PIEZO2: variants seen among roughly 807,000 people sequenced by gnomAD.
The protein encoded by PIEZO2 is piezo-type mechanosensitive ion channel component 2.
In PIEZO2, 172 loss-of-function variants were observed where a neutral mutation model predicts 337.3. The ratio of observed to expected loss-of-function variants is 0.51; its 90% confidence interval spans 0.45 to 0.58. The LOEUF is 0.58. Among genes scored for constraint, PIEZO2 ranks in the 20% least tolerant of loss-of-function variants. The pLI, the probability that PIEZO2 is intolerant of heterozygous loss-of-function variation, is 0.00. For missense variants in PIEZO2, 3,028 were observed against 3,391.3 expected (o/e 0.89, Z 2.66); for synonymous variants, 1,251 against 1,228.5 (o/e 1.02, Z -0.38).
rs1429641237 is a variant in PIEZO2 at position 10,716,734 on chromosome 18, G to C, written c.5090-918C>G. Among the ~76,000 whole-genome samples the C allele has an allele frequency of 6.6e-6, 1 of 152,212 alleles. No individual in the cohort carries two copies. The highest frequency in any genetic ancestry group is 1.9e-4 in the East Asian group (1 of 5,198). Reference sequence around the variant, plus strand: ...TTCAGATAGAGCCTCTAGCTGCTCTGTGTAGACATAAAGGGGAAGCTTGGC... The same window carrying C: ...TTCAGATAGAGCCTCTAGCTGCTCTCTGTAGACATAAAGGGGAAGCTTGGC... On this transcript the variant is annotated intron_variant, in intron 37 of 55. Coordinates refer to ENST00000674853, the MANE Select transcript of PIEZO2 (RefSeq NM_001378183.1). This position sits in a 1 kb window ranked among gnomAD's most constrained non-coding sequence, Gnocchi z 4.1.
At chr18:10,811,895 G>A (rs928994283) in intron 7 of PIEZO2, among the ~76,000 whole-genome samples, 4 of 152,126 alleles carry the variant, frequency 2.6e-5, no homozygotes, top group Admixed American at 6.5e-5. Flanking sequence ...GTGCAGTGGT[G>A]CGATCTCCGC....
In PIEZO2 at chr18:10,750,225, C is replaced by A. The variant is rs910709710; in HGVS notation, c.4168-38G>T. Reference sequence around the variant, plus strand: ...AGAGGGGGATAATCCTGAAGCTCTGCAGCCAGAAAAAAAAGTGGTGTTTTA... The same window carrying A: ...AGAGGGGGATAATCCTGAAGCTCTGAAGCCAGAAAAAAAAGTGGTGTTTTA... On this transcript the variant is annotated intron_variant, in intron 28 of 55. Coordinates refer to ENST00000674853, the MANE Select transcript of PIEZO2 (RefSeq NM_001378183.1). The surrounding 1 kb of genome is among the most constrained non-coding windows in gnomAD (Gnocchi z 4.1). The A allele has an allele frequency of 2.8e-6, 4 of 1,446,496 alleles. No homozygotes were observed. The highest frequency in any genetic ancestry group is 2.0e-5 in the Admixed American group (1 of 50,182). 89.6% of individuals were successfully genotyped at this position (1,446,496 alleles called of 1,614,324 possible).
intron 2 of PIEZO2, among the ~76,000 whole-genome samples, chr18:11,011,252 G>A (rs1220423681): frequency 6.6e-6 from 1 of 152,060 alleles, no homozygotes; most frequent in African/African-American, 2.4e-5. Flanking sequence ...TTTAATCTGT[G>A]TCCTACAATT....
rs563773713 is a variant in PIEZO2 at position 10,903,982 on chromosome 18, C to T, written c.329+7204G>A. Among the ~76,000 whole-genome samples, 211 of 152,274 alleles carry T rather than the reference C, an allele frequency of 1.4e-3. No homozygotes were observed. Among genetic ancestry groups the T allele is most frequent in the Non-Finnish European group, 2.5e-3 (173 of 68,026 alleles). On this transcript the variant is annotated intron_variant, in intron 4 of 55. Coordinates refer to ENST00000674853, the MANE Select transcript of PIEZO2 (RefSeq NM_001378183.1). This position sits in a 1 kb window ranked among gnomAD's most constrained non-coding sequence, Gnocchi z 4.1. ...GATATCATTAGAATAGCACCTGGTA[C>T]ACAGCAGCAGCAGCTGCTCCAAAAA...
intron 7 of PIEZO2, among the ~76,000 whole-genome samples, chr18:10,841,916 C>G (rs953141819): frequency 1.3e-5 from 2 of 152,110 alleles, no homozygotes; most frequent in Admixed American, 1.3e-4. Context: ...GTAAGCTGAG[C>G]ACTTTGGGAG....
rs1480593790 is a variant in PIEZO2 at position 11,003,730 on chromosome 18, T to C, written c.161-24070A>G. Among the ~76,000 whole-genome samples, 1 of 152,062 alleles carries C rather than the reference T, an allele frequency of 6.6e-6. No individual in the cohort carries two copies. The highest frequency in any genetic ancestry group is 1.5e-5 in the Non-Finnish European group (1 of 68,006). On this transcript the variant is annotated intron_variant, in intron 2 of 55. Coordinates refer to ENST00000674853, the MANE Select transcript of PIEZO2 (RefSeq NM_001378183.1). The surrounding 1 kb of genome is among the most constrained non-coding windows in gnomAD (Gnocchi z 4.6). ...TGTGGACACACCAATTTACCTAACA[T>C]GTCCAGCTCTGGGACGTGGGAGGAA...
chr18:10,940,114 C>A lies in PIEZO2; in HGVS notation c.287-28886G>T, dbSNP rs1290439753. Among the ~76,000 whole-genome samples the A allele has an allele frequency of 6.6e-6, 1 of 152,038 alleles. No individual in the cohort carries two copies. The highest frequency in any genetic ancestry group is 6.6e-5 in the Admixed American group (1 of 15,266). On this transcript the variant is annotated intron_variant, in intron 3 of 55. Transcript: ENST00000674853. The surrounding 1 kb of genome is among the most constrained non-coding windows in gnomAD (Gnocchi z 5.3). Reference sequence around the variant, plus strand: ...CCAGGGAGTGGTTCGCCAGCCTTTCCTACAAAAAAACACACTTCAGAGGAG... The same window carrying A: ...CCAGGGAGTGGTTCGCCAGCCTTTCATACAAAAAAACACACTTCAGAGGAG...
intron 26 of PIEZO2, 79 bp from the exon 27 acceptor site, chr18:10,758,213 G>T: frequency 7.1e-7 from 1 of 1,404,840 alleles, no homozygotes; most frequent in Non-Finnish European, 9.5e-7. Flanking sequence ...TCATCACACA[G>T]CAACAGCCAT....
Position 11,027,435 on chromosome 18 carries a change from A to T in PIEZO2, c.160+38692T>A, listed in dbSNP as rs2036578264. ...GCTAGGAATAAGGTACAAGAGGTTAAAAAGAAAGCAATCAAATTGACAATG... is the reference window on the plus strand; with the variant it reads ...GCTAGGAATAAGGTACAAGAGGTTATAAAGAAAGCAATCAAATTGACAATG... On this transcript the variant is annotated intron_variant, in intron 2 of 55. Transcript: ENST00000674853. The surrounding 1 kb of genome is among the most constrained non-coding windows in gnomAD (Gnocchi z 4.2). Among the ~76,000 whole-genome samples the T allele has an allele frequency of 6.6e-6, 1 of 152,222 alleles. No individual in the cohort carries two copies. Among genetic ancestry groups the T allele is most frequent in the African/African-American group, 2.4e-5 (1 of 41,456 alleles).
chr18:10,877,726 C>G lies in PIEZO2; in HGVS notation c.330-6311G>C, dbSNP rs2042306164. ...CATCTCAGGTTGTCCCCTCTGCCAGCCAGGCCTCCACATTAATATCAGAGT... is the reference window on the plus strand; with the variant it reads ...CATCTCAGGTTGTCCCCTCTGCCAGGCAGGCCTCCACATTAATATCAGAGT... On this transcript the variant is annotated intron_variant, in intron 4 of 55. Transcript: ENST00000674853. This position sits in a 1 kb window ranked among gnomAD's most constrained non-coding sequence, Gnocchi z 5.3. 6.6e-6 allele frequency among the ~76,000 whole-genome samples: 1 copy of G among 152,152 alleles called. No individual in the cohort carries two copies. Among genetic ancestry groups the G allele is most frequent in the African/African-American group, 2.4e-5 (1 of 41,418 alleles).
intron 39 of PIEZO2, among the ~76,000 whole-genome samples, chr18:10,711,374 T>A (rs1387988175): frequency 1.3e-5 from 2 of 152,220 alleles, no homozygotes. Context: ...TTCTAGAGCA[T>A]CTTTTTTCAA....
intron 33 of PIEZO2, 51 bp from the exon 34 acceptor site, chr18:10,736,761 TG>T (rs1568001418): frequency 1.1e-5 from 16 of 1,513,322 alleles, no homozygotes; most frequent in Non-Finnish European, 1.3e-5. Flanking sequence ...ATAAGGAAAT[TG>T]GGGGCTTATT....
chr18:10,998,099 G>T (rs2035394118), intron 2 of PIEZO2, among the ~76,000 whole-genome samples: 1 of 152,044 alleles, frequency 6.6e-6, no homozygotes, highest in African/African-American at 2.4e-5. Flanking sequence ...GCATACAGTG[G>T]AACAATATCT....
intron 8 of PIEZO2, among the ~76,000 whole-genome samples, chr18:10,806,126 C>T (rs140050361): frequency 5.0e-4 from 76 of 152,222 alleles, no homozygotes; most frequent in African/African-American, 1.7e-3. Flanking sequence ...TCTGTGGGTA[C>T]AAAGACAGAC....
Position 10,718,397 on chromosome 18 carries a change from G to A in PIEZO2, c.5030-138C>T. ...TTCAAGAGTTCCTTGGGGAAAGGTT[G>A]TTAGAATTCATAGCTCTTAGATTAT... is the stretch of plus-strand genomic sequence containing the variant. On this transcript the variant is annotated intron_variant, in intron 36 of 55. Transcript: ENST00000674853. The A allele has an allele frequency of 5.6e-6, 4 of 716,394 alleles. No homozygotes were observed. In the South Asian group the frequency reaches 7.2e-5, roughly 13 times the overall value. 44.4% of individuals were successfully genotyped at this position (716,394 alleles called of 1,614,324 possible). A position where few individuals can be genotyped will look rare whatever the true frequency, so the allele number is the denominator to read the frequency against.
At chr18:11,103,515 T>G (rs2039476425) in intron 1 of PIEZO2, among the ~76,000 whole-genome samples, 1 of 152,200 alleles carries the variant, frequency 6.6e-6, no homozygotes, top group Non-Finnish European at 1.5e-5. Flanking sequence ...CTGTGTGATT[T>G]CAGTTTAAAC....
intron 1 of PIEZO2, among the ~76,000 whole-genome samples, chr18:11,091,702 T>C (rs1484260206): frequency 2.0e-5 from 3 of 152,218 alleles, no homozygotes; most frequent in East Asian, 1.9e-4. Flanking sequence ...GGCTTGTCCA[T>C]CTTGAGCGCT....
At chr18:10,698,529 G>T (rs184743797) in intron 44 of PIEZO2, among the ~76,000 whole-genome samples, 36 of 152,294 alleles carry the variant, frequency 2.4e-4, no homozygotes, top group Admixed American at 9.2e-4. Context: ...CCATAGTTTG[G>T]CTAAAAGTTC....
intron 1 of PIEZO2, among the ~76,000 whole-genome samples, chr18:11,133,452 G>T (rs560009013): frequency 1.3e-5 from 2 of 152,286 alleles, no homozygotes; most frequent in East Asian, 3.9e-4. Flanking sequence ...AGGATACAAA[G>T]AATTGATCCT....
Sources: gnomAD v4.1 joint callset for allele counts (sites outside exome capture counted in the v4.1 genomes callset) on GRCh38, gnomAD v4.1.1 for gene constraint, Gnocchi (gnomAD v3.1) non-coding constraint, MANE v1.5 for transcripts, NCBI Gene and HGNC (gene_info 2026-07-23, HGNC 2026-07-21) for gene names.